The following TM2D1 variants were observed in gnomAD, a reference collection of about 807,000 sequenced individuals.
TM2D1 encodes the protein TM2 domain-containing protein 1.
TM2D1 carries 15 observed loss-of-function variants against 28.4 expected under a neutral mutation model. The observed-to-expected ratio is 0.53, with a 90% CI of 0.35 to 0.81. TM2D1 has a LOEUF of 0.81. TM2D1 is among the 40% of genes least tolerant of loss of function. TM2D1 has a pLI of 0.01. For missense variants in TM2D1, 236 were observed against 254.9 expected (o/e 0.93, Z 0.50); for synonymous variants, 93 against 96.2 (o/e 0.97, Z 0.20).
intron 5 of TM2D1, among the ~76,000 whole-genome samples, chr1:61,686,545 C>T (rs1170179450): frequency 1.3e-5 from 2 of 151,910 alleles, no homozygotes; most frequent in East Asian, 3.9e-4. Flanking sequence ...CACCTGTAAT[C>T]CCAGCTACTA....
intron 3 of TM2D1, among the ~76,000 whole-genome samples, chr1:61,702,179 G>C (rs1644406710): frequency 6.6e-6 from 1 of 151,888 alleles, no homozygotes; most frequent in Non-Finnish European, 1.5e-5. Flanking sequence ...GACAGAGTGA[G>C]ACTCTGTCTC....
At chr1:61,720,893 T>C (rs184074451) in intron 2 of TM2D1, among the ~76,000 whole-genome samples, 1 of 152,084 alleles carries the variant, frequency 6.6e-6, no homozygotes, top group Non-Finnish European at 1.5e-5. Flanking sequence ...TGTAAAACAC[T>C]GCTCACGTTC....
At chr1:61,717,215 A>T (rs1278852558) in intron 2 of TM2D1, among the ~76,000 whole-genome samples, 1 of 146,440 alleles carries the variant, frequency 6.8e-6, no homozygotes, top group East Asian at 1.9e-4. Context: ...AAAAAAAAAA[A>T]CAATTAGCCG....
chr1:61,682,874 C>G (rs1023127925), intron 6 of TM2D1, among the ~76,000 whole-genome samples: 5 of 119,760 alleles, frequency 4.2e-5, no homozygotes, highest in Non-Finnish European at 8.2e-5. Context: ...GCCTGGGCAA[C>G]AGAGCAAGAC....
At chr1:61,705,660 G>T (rs772508580) in intron 3 of TM2D1, among the ~76,000 whole-genome samples, 2 of 152,090 alleles carry the variant, frequency 1.3e-5, no homozygotes, top group Non-Finnish European at 2.9e-5. Flanking sequence ...TTTCCCATCT[G>T]CTGCCTTAGT....
At chr1:61,695,454 C>T (rs1289905637) in intron 4 of TM2D1, among the ~76,000 whole-genome samples, 8 of 148,670 alleles carry the variant, frequency 5.4e-5, no homozygotes, top group Admixed American at 4.7e-4. Context: ...AACCCAAAAA[C>T]GATTGTAAGA....
chr1:61,720,809 A>T (rs1045129954), intron 2 of TM2D1, among the ~76,000 whole-genome samples: 2 of 152,268 alleles, frequency 1.3e-5, no homozygotes, highest in African/African-American at 2.4e-5. Flanking sequence ...TTAAGATCAC[A>T]TCAATTTATT....
intron 5 of TM2D1, among the ~76,000 whole-genome samples, chr1:61,693,870 T>C (rs947075607): frequency 7.2e-5 from 11 of 152,210 alleles, no homozygotes; most frequent in Non-Finnish European, 1.3e-4. Context: ...TTTGTCAACA[T>C]TTGTTGTGAA....
chr1:61,723,711 AC>A lies in TM2D1; in HGVS notation c.238+1del. 6.7e-7 allele frequency: 1 copy of A among 1,501,374 alleles called. No individual in the cohort carries two copies. Among genetic ancestry groups the A allele is most frequent in the Non-Finnish European group, 9.0e-7 (1 of 1,105,782 alleles). The allele number at this position is 1,501,374 out of a possible 1,614,324, so 93.0% of individuals were successfully genotyped here. ...TTAAAGACATGTTTCTTGAAGTCTT[AC>A]CATGAGCTGTGTAGTTTGTACAGTT... On this transcript the variant is annotated splice_donor_variant, in intron 2 of 6. Coordinates refer to ENST00000606498, the MANE Select transcript of TM2D1 (RefSeq NM_032027.3). LOFTEE classifies it high-confidence loss of function.
intron 5 of TM2D1, 172 bp downstream of exon 5, chr1:61,694,525 A>G (rs1327365508): frequency 2.2e-6 from 1 of 447,974 alleles, no homozygotes; most frequent in Non-Finnish European, 4.0e-6. Context: ...ACAGTTTGAG[A>G]AATGCTAGTT....
intron 3 of TM2D1, among the ~76,000 whole-genome samples, chr1:61,702,917 C>T (rs1644412820): frequency 6.6e-6 from 1 of 151,234 alleles, no homozygotes; most frequent in South Asian, 2.1e-4. Flanking sequence ...ACCAGCCTGG[C>T]CAACACGGTA....
At chr1:61,682,115 G>GA (rs1275731914) in intron 6 of TM2D1, among the ~76,000 whole-genome samples, 3 of 152,026 alleles carry the variant, frequency 2.0e-5, no homozygotes, top group Admixed American at 1.3e-4. Context: ...TGTTAGAAAA[G>GA]AAAAAAATCC....
chr1:61,717,919 C>T (rs894645680), intron 2 of TM2D1, among the ~76,000 whole-genome samples: 30 of 152,026 alleles, frequency 2.0e-4, no homozygotes, highest in Admixed American at 1.8e-3. Context: ...GTGGCTGAGG[C>T]AGGAGGATCG....
At chr1:61,704,500 C>T (rs957876230) in intron 3 of TM2D1, among the ~76,000 whole-genome samples, 60 of 151,990 alleles carry the variant, frequency 3.9e-4, no homozygotes, top group Middle Eastern at 3.4e-3. Flanking sequence ...GGCACAATGT[C>T]GGCTTACTGC....
chr1:61,690,672 T>A (rs1177941376), intron 5 of TM2D1, among the ~76,000 whole-genome samples: 5 of 152,130 alleles, frequency 3.3e-5, no homozygotes, highest in East Asian at 3.8e-4. Flanking sequence ...TCAGCAAAAA[T>A]TTTTAAGGGC....
intron 4 of TM2D1, 78 bp downstream of exon 4, chr1:61,700,856 G>T: frequency 9.8e-7 from 1 of 1,018,068 alleles, no homozygotes; most frequent in Non-Finnish European, 1.5e-6. Flanking sequence ...AATACACAGA[G>T]ATTTAATCCA....
At chr1:61,698,603 G>T (rs2148046033) in intron 4 of TM2D1, 1 of 148,646 alleles carries the variant, frequency 6.7e-6, no homozygotes, top group South Asian at 2.1e-4. Flanking sequence ...AGACTGAAAT[G>T]AATGAATAAA....
intron 5 of TM2D1, among the ~76,000 whole-genome samples, chr1:61,690,044 T>C (rs1007841885): frequency 6.6e-6 from 1 of 152,200 alleles, no homozygotes; most frequent in Non-Finnish European, 1.5e-5. Flanking sequence ...TGTGGGCACA[T>C]ATAGAAGGCA....
intron 2 of TM2D1, among the ~76,000 whole-genome samples, chr1:61,722,439 G>A (rs1644574870): frequency 6.6e-6 from 1 of 152,094 alleles, no homozygotes; most frequent in African/African-American, 2.4e-5. Context: ...CGCGATCTCG[G>A]CTCACTGTAA....
Sources: gnomAD v4.1 joint callset for allele counts (sites outside exome capture counted in the v4.1 genomes callset) on GRCh38, gnomAD v4.1.1 for gene constraint, MANE v1.5 for transcripts, NCBI Gene and HGNC (gene_info 2026-07-23, HGNC 2026-07-21) for gene names.